Variants in C1orf21 observed in about 807,000 individuals in gnomAD.
C1orf21 encodes uncharacterized protein C1orf21.
Under a neutral mutation model 18.7 loss-of-function variants are expected in C1orf21, and 3 were observed. That is an observed-to-expected ratio of 0.16 (90% confidence interval 0.07 to 0.42). C1orf21 has a LOEUF of 0.42. Ranked by LOEUF, C1orf21 falls within the 10% of genes least tolerant of loss-of-function variation. The pLI, the probability that C1orf21 is intolerant of heterozygous loss-of-function variation, is 0.99. For missense variants in C1orf21, 104 were observed against 143.6 expected (o/e 0.72, Z 1.41); for synonymous variants, 41 against 46.4 (o/e 0.88, Z 0.47).
intron 3 of C1orf21, among the ~76,000 whole-genome samples, chr1:184,580,376 G>C (rs983781770): frequency 6.6e-6 from 1 of 152,206 alleles, no homozygotes; most frequent in African/African-American, 2.4e-5. Flanking sequence ...AACAGCTTTG[G>C]CACCCATTGA....
At chr1:184,438,442 G>A (rs1223839154) in intron 1 of C1orf21, among the ~76,000 whole-genome samples, 1 of 152,168 alleles carries the variant, frequency 6.6e-6, no homozygotes, top group East Asian at 1.9e-4. Context: ...GGACAGACTG[G>A]CTCCTCTCAC....
chr1:184,427,778 G>T (rs570074652), intron 1 of C1orf21, among the ~76,000 whole-genome samples: 34 of 152,194 alleles, frequency 2.2e-4, no homozygotes, highest in Non-Finnish European at 3.4e-4. Context: ...CATCGGCCTT[G>T]CTTGGAAAAA....
intron 1 of C1orf21, among the ~76,000 whole-genome samples, chr1:184,449,518 A>G (rs1158676723): frequency 2.0e-5 from 3 of 152,162 alleles, no homozygotes; most frequent in African/African-American, 4.8e-5. Context: ...ATATATGTGC[A>G]TGTGTCTTTA....
chr1:184,445,980 T>C (rs1039295725), intron 1 of C1orf21, among the ~76,000 whole-genome samples: 2 of 152,170 alleles, frequency 1.3e-5, no homozygotes, highest in Admixed American at 6.6e-5. Context: ...GTTACCCATA[T>C]GGGTGATATG....
At chr1:184,572,861 A>C (rs1558005872) in intron 3 of C1orf21, among the ~76,000 whole-genome samples, 1 of 151,768 alleles carries the variant, frequency 6.6e-6, no homozygotes, top group Non-Finnish European at 1.5e-5. Context: ...CTGAGGCAGG[A>C]GACTCGCTTG....
In C1orf21 at chr1:184,621,319, A is replaced by G. The variant is rs1311334162; in HGVS notation, c.*1763A>G. On this transcript the variant is annotated 3_prime_UTR_variant, in exon 6 of 6. Transcript: ENST00000235307. ...TTGGCCAACAGCAGCTATTTTGGGG[A>G]GCAGCTGTGGCTGTTACATAAATAG... 6.6e-6 allele frequency: 1 copy of G among 152,628 alleles called. No individual in the cohort carries two copies. The highest frequency in any genetic ancestry group is 2.4e-5 in the African/African-American group (1 of 41,450). 9.5% of individuals were successfully genotyped at this position (152,628 alleles called of 1,614,324 possible).
At chr1:184,555,043 T>C (rs1416066705) in intron 3 of C1orf21, among the ~76,000 whole-genome samples, 1 of 152,198 alleles carries the variant, frequency 6.6e-6, no homozygotes, top group Non-Finnish European at 1.5e-5. Flanking sequence ...CCTGACTTGA[T>C]ACTAGTTAGT....
chr1:184,570,001 C>G (rs763276703), intron 3 of C1orf21, among the ~76,000 whole-genome samples: 1 of 152,128 alleles, frequency 6.6e-6, no homozygotes, highest in Non-Finnish European at 1.5e-5. Flanking sequence ...CTGCAGTTTC[C>G]TCTTGATAAT....
intron 5 of C1orf21, among the ~76,000 whole-genome samples, chr1:184,604,065 A>G (rs1184960002): frequency 6.6e-6 from 1 of 152,208 alleles, no homozygotes; most frequent in African/African-American, 2.4e-5. Flanking sequence ...CTTTTCATCC[A>G]GTGAAGAGAG....
intron 1 of C1orf21, among the ~76,000 whole-genome samples, chr1:184,453,376 A>C (rs931757978): frequency 2.6e-5 from 4 of 151,884 alleles, no homozygotes; most frequent in African/African-American, 9.7e-5. Context: ...TTGCTTTACA[A>C]CTCTTTCTGT....
intron 1 of C1orf21, among the ~76,000 whole-genome samples, chr1:184,429,700 A>G (rs903398177): frequency 6.6e-6 from 1 of 152,192 alleles, no homozygotes; most frequent in Non-Finnish European, 1.5e-5. Context: ...TTGCCAGGTA[A>G]TATACAGTAT....
At chr1:184,555,318 C>A (rs1406077377) in intron 3 of C1orf21, among the ~76,000 whole-genome samples, 2 of 152,186 alleles carry the variant, frequency 1.3e-5, no homozygotes, top group African/African-American at 2.4e-5. Flanking sequence ...TTCTGCCAGA[C>A]CTCTGACACC....
At chr1:184,511,913 T>A (rs1281049942) in intron 3 of C1orf21, among the ~76,000 whole-genome samples, 18 of 152,208 alleles carry the variant, frequency 1.2e-4, no homozygotes, top group Admixed American at 6.5e-5. Flanking sequence ...ACTGCCCCCA[T>A]GATCTAATCA....
intron 3 of C1orf21, among the ~76,000 whole-genome samples, chr1:184,559,661 A>C (rs1488737690): frequency 8.9e-6 from 1 of 112,652 alleles, no homozygotes; most frequent in Non-Finnish European, 1.8e-5. Context: ...ATGTTCTGTC[A>C]CCCAGACTAA....
intron 3 of C1orf21, among the ~76,000 whole-genome samples, chr1:184,589,493 G>C (rs1659407679): frequency 6.6e-6 from 1 of 152,188 alleles, no homozygotes; most frequent in Admixed American, 6.5e-5. Flanking sequence ...TCTCCCACCT[G>C]CTTTGTAAAA....
chr1:184,607,191 G>T (rs1375753000), intron 5 of C1orf21, among the ~76,000 whole-genome samples: 1 of 152,096 alleles, frequency 6.6e-6, no homozygotes, highest in Non-Finnish European at 1.5e-5. Flanking sequence ...TTACAAAATT[G>T]ATTGTTGGAG....
At chr1:184,548,989 GATA>G (rs1436733729) in intron 3 of C1orf21, among the ~76,000 whole-genome samples, 1 of 151,990 alleles carries the variant, frequency 6.6e-6, no homozygotes, top group African/African-American at 2.4e-5. Flanking sequence ...AAAATATTTT[GATA>G]ATTATTATTT....
At chr1:184,426,625 T>A (rs1202801611) in intron 1 of C1orf21, among the ~76,000 whole-genome samples, 1 of 152,214 alleles carries the variant, frequency 6.6e-6, no homozygotes, top group African/African-American at 2.4e-5. Flanking sequence ...CTATCTTGAT[T>A]CTTGGCTTAA....
intron 1 of C1orf21, among the ~76,000 whole-genome samples, chr1:184,444,708 T>C (rs1657002229): frequency 6.6e-6 from 1 of 152,160 alleles, no homozygotes; most frequent in Admixed American, 6.6e-5. Flanking sequence ...TATATCCTTC[T>C]GTCCATCTCA....
Sources: gnomAD v4.1 joint callset for allele counts (sites outside exome capture counted in the v4.1 genomes callset) on GRCh38, gnomAD v4.1.1 for gene constraint, MANE v1.5 for transcripts, NCBI Gene and HGNC (gene_info 2026-07-23, HGNC 2026-07-21) for gene names.